The following G6PD variants were observed in gnomAD, a reference collection of about 807,000 sequenced individuals.
The protein encoded by G6PD is glucose-6-phosphate dehydrogenase, also known as glucose-6-phosphate 1-dehydrogenase.
Under a neutral mutation model 38.2 loss-of-function variants are expected in G6PD, and 2 were observed. The ratio of observed to expected loss-of-function variants is 0.05; its 90% CI spans 0.02 to 0.16. The LOEUF is 0.16. Ranked by LOEUF, G6PD falls within the 10% of genes least tolerant of loss-of-function variation. The pLI, the probability that G6PD is intolerant of heterozygous loss-of-function variation, is 1.00. For synonymous variants in G6PD, 188 were observed against 196.0 expected, an observed-to-expected ratio of 0.96 and a Z score of 0.34; for missense variants, 310 against 471.6, an observed-to-expected ratio of 0.66 and a Z score of 3.17.
chrX:154,544,573 G>A (rs1313618748), intron 2 of G6PD, among the ~76,000 whole-genome samples: 3 of 112,465 alleles, frequency 2.7e-5, no homozygotes, highest in African/African-American at 9.7e-5. Context: ...GGGAATACAG[G>A]CGTGAGCCAC....
chrX:154,532,153 C>A (rs2070344569), intron 12 of G6PD, 35 bp downstream of exon 12: 1 of 1,203,086 alleles, frequency 8.3e-7, no homozygotes, highest in East Asian at 3.0e-5. Context: ...CCCCTGCCCG[C>A]TGGGCTCTGT....
At chrX:154,535,872 C>A in intron 4 of G6PD, 65 bp downstream of exon 4, 2 of 950,904 alleles carry the variant, frequency 2.1e-6, no homozygotes, top group Non-Finnish European at 3.0e-6. Flanking sequence ...GTCCCCGAAG[C>A]TGGCCATGCT....
chrX:154,532,343 C>G (rs1557229558), intron 11 of G6PD, 43 bp downstream of exon 11: 1 of 1,208,382 alleles, frequency 8.3e-7, no homozygotes. Context: ...CAAAGGCCAC[C>G]CCATAGCCCA....
chrX:154,536,002 C>T lies in G6PD; in HGVS notation c.202G>A (p.Val68Met), dbSNP rs1050828. The T allele has an allele frequency of 6.4e-3, 7,797 of 1,210,144 alleles. 328 individuals are homozygous for T. In the African/African-American group the frequency reaches 0.12, roughly 19 times the overall value. ...GTGAGGCGGGAACGGGCATAGCCCA[C>T]GATGAAGGTGTTTTCGGGCAGAAGG... Reference protein sequence around the residue: ...DGLLPENTFIVGYARSRLTVA... With the variant: ...DGLLPENTFIMGYARSRLTVA... Residue 68 changes from valine (V) to methionine (M), a missense_variant, in exon 4 of 13, where the codon GTG (valine) becomes ATG (methionine). Val to Met is a conservative substitution (Grantham distance 21). Transcript: ENST00000393562.
intron 2 of G6PD, among the ~76,000 whole-genome samples, chrX:154,542,773 C>T (rs1461209023): frequency 8.9e-6 from 1 of 111,841 alleles, no homozygotes; most frequent in Non-Finnish European, 1.9e-5. Flanking sequence ...TCTCCCGGCC[C>T]TCTTTGTGGG....
chrX:154,540,591 T>C lies in G6PD; in HGVS notation c.121-4413A>G, dbSNP rs186165666. Among the ~76,000 whole-genome samples, 45 of 105,418 alleles carry C rather than the reference T, an allele frequency of 4.3e-4. No homozygotes were observed. In the East Asian group the frequency reaches 0.012, roughly 28 times the overall value. 91.5% of individuals were successfully genotyped at this position (105,418 alleles called of 115,157 possible). A position where few individuals can be genotyped will look rare whatever the true frequency, so the allele number is the denominator to read the frequency against. ...AGACGGAGGTTGCAGTGAGCCAAGA[T>C]TGCGCCACCAAACTCCAGCCTGGGT... is the stretch of plus-strand genomic sequence containing the variant. On this transcript the variant is annotated intron_variant, in intron 2 of 12. Coordinates refer to ENST00000393562, the MANE Select transcript of G6PD (RefSeq NM_001360016.2).
chrX:154,545,922 A>G, intron 2 of G6PD, 114 bp downstream of exon 2: 1 of 929,617 alleles, frequency 1.1e-6, no homozygotes, highest in Non-Finnish European at 1.5e-6. Flanking sequence ...CAGGAGCGGG[A>G]GGAGGAGCTC....
At chrX:154,542,567 G>A in intron 2 of G6PD, 1 of 969,717 alleles carries the variant, frequency 1.0e-6, no homozygotes, top group South Asian at 2.8e-5. Flanking sequence ...CTGGGTGTGT[G>A]GGCAAGTGTG....
Position 154,533,180 on chromosome X carries a change from G to A in G6PD, c.865-52C>T, listed in dbSNP as rs782440230. ...GGCTCCTTGGGTGTTGAGTTGGGGT[G>A]CAGGGATGACTGTGGCCACAGATGT... On this transcript the variant is annotated intron_variant, in intron 8 of 12. Transcript: ENST00000393562. 1.8e-5 allele frequency: 21 copies of A among 1,157,018 alleles called. No individual in the cohort carries two copies. The African/African-American group carries it at 3.2e-4, about 18-fold the overall frequency.
intron 8 of G6PD, 192 bp from the exon 9 acceptor site, chrX:154,533,320 A>G (rs1187355217): frequency 2.0e-6 from 1 of 508,630 alleles, no homozygotes; most frequent in Non-Finnish European, 3.3e-6. Context: ...TCTCGAGTCT[A>G]TTCTGATGAA....
chrX:154,540,214 T>C (rs1008441898), intron 2 of G6PD, among the ~76,000 whole-genome samples: 5 of 108,914 alleles, frequency 4.6e-5, no homozygotes, highest in Admixed American at 9.8e-5. Context: ...CTCATGCCTG[T>C]AATCCTAGCA....
At chrX:154,532,532 C>T (rs1557229637) in intron 10 of G6PD, 35 bp downstream of exon 10, 1 of 1,207,866 alleles carries the variant, frequency 8.3e-7, no homozygotes, top group Non-Finnish European at 1.1e-6. Flanking sequence ...GCCCAGGCCG[C>T]CCACCCTCCA....
Position 154,535,270 on chromosome X carries a change from A to G in G6PD, c.383T>C (p.Leu128Pro), listed in dbSNP as rs78365220. Residue 128 changes from leucine (L) to proline (P), a missense_variant, in exon 5 of 13, where the codon CTC becomes CCC. Leu to Pro is a moderately conservative substitution (Grantham distance 98). Coordinates refer to ENST00000393562, the MANE Select transcript of G6PD (RefSeq NM_001360016.2). ...GCGGTTGGCCTGTGACCCCAGGTGG[A>G]GGGCATTCATGTGGCTGTTGAGGCG... Reference protein sequence around the residue: ...YQRLNSHMNALHLGSQANRLF... With the variant: ...YQRLNSHMNAPHLGSQANRLF... The G allele has an allele frequency of 1.3e-5, 16 of 1,210,237 alleles. No homozygotes were observed. The highest frequency in any genetic ancestry group is 8.9e-5 in the East Asian group (3 of 33,781).
At chrX:154,542,336 C>A in intron 2 of G6PD, 1 of 1,197,338 alleles carries the variant, frequency 8.4e-7, no homozygotes, top group Non-Finnish European at 1.1e-6. Context: ...CAATCCCAGT[C>A]TCTTCCCCTC....
In G6PD at chrX:154,538,285, A is replaced by G. The variant is rs7881468; in HGVS notation, c.121-2107T>C. On this transcript the variant is annotated intron_variant, in intron 2 of 12. Coordinates refer to ENST00000393562, the MANE Select transcript of G6PD (RefSeq NM_001360016.2). ...GTTGGGATTACAGGCGTGAGCCACG[A>G]CGACCCACTGACCCTGTCTCTTTAA... is the stretch of plus-strand genomic sequence containing the variant. Among the ~76,000 whole-genome samples the G allele has an allele frequency of 0.13, 14,777 of 111,330 alleles. 2,431 individuals are homozygous for G. The highest frequency in any genetic ancestry group is 0.46 in the African/African-American group (13,911 of 30,335).
Position 154,531,845 on chromosome X carries a change from C to G in G6PD, c.*155G>C, listed in dbSNP as rs1173248342. On this transcript the variant is annotated 3_prime_UTR_variant, in exon 13 of 13. Coordinates refer to ENST00000393562, the MANE Select transcript of G6PD (RefSeq NM_001360016.2). The stretch of plus-strand genomic sequence containing the variant: ...GGCAGCTGAGGAATGTAGCTGGGCT[C>G]GGGTAGTAGCAGCAGCGAGGGGCGG... The G allele has an allele frequency of 8.7e-6, 8 of 918,291 alleles. No individual in the cohort carries two copies. The highest frequency in any genetic ancestry group is 1.1e-5 in the Non-Finnish European group (7 of 666,503). 75.7% of individuals were successfully genotyped at this position (918,291 alleles called of 1,213,427 possible).
intron 2 of G6PD, among the ~76,000 whole-genome samples, chrX:154,537,328 A>T (rs895000990): frequency 7.3e-5 from 8 of 110,141 alleles, no homozygotes; most frequent in African/African-American, 2.7e-4. Context: ...ACAAAAAAAC[A>T]ACTAAACAGC....
chrX:154,546,665 G>C (rs1372840175), intron 1 of G6PD, 124 bp downstream of exon 1: 4 of 581,340 alleles, frequency 6.9e-6, no homozygotes, highest in Non-Finnish European at 1.1e-5. Context: ...TAAAGGGATT[G>C]GTTAAGACCC....
chrX:154,537,990 G>T (rs1201299180), intron 2 of G6PD, among the ~76,000 whole-genome samples: 3 of 91,078 alleles, frequency 3.3e-5, no homozygotes, highest in Admixed American at 2.4e-4. Flanking sequence ...AAATCAGGAG[G>T]TTTTTTTTTT....
Sources: gnomAD v4.1 joint callset for allele counts (sites outside exome capture counted in the v4.1 genomes callset) on GRCh38, gnomAD v4.1.1 for gene constraint, MANE v1.5 for transcripts, NCBI Gene and HGNC (gene_info 2026-07-23, HGNC 2026-07-21) for gene names.